OAF: variants seen among roughly 807,000 people sequenced by gnomAD.
OAF encodes the protein out at first homolog.
In OAF, 13 loss-of-function variants were observed where a neutral mutation model predicts 22.5. The ratio of observed to expected loss-of-function variants is 0.58; its 90% CI spans 0.38 to 0.92. The LOEUF (loss-of-function observed/expected upper bound fraction) is 0.92. OAF is among the 40% of genes least tolerant of loss of function. The pLI is 0.00. For synonymous variants in OAF, 175 were observed against 170.5 expected (o/e 1.03, Z -0.21); for missense variants, 347 against 381.8 (o/e 0.91, Z 0.76).
chr11:120,213,989 T>C (rs1938181898), intron 1 of OAF: 1 of 152,206 alleles, frequency 6.6e-6, no homozygotes, highest in Non-Finnish European at 1.5e-5. Context: ...GGAAAACCAC[T>C]TGAGCCCAGG....
rs931951644 is a variant in OAF at position 120,229,956 on chromosome 11, A to G, written c.*814A>G. 6.6e-6 allele frequency: 1 copy of G among 152,588 alleles called. No homozygotes were observed. The highest frequency in any genetic ancestry group is 6.5e-5 in the Admixed American group (1 of 15,304). The allele number at this position is 152,588 out of a possible 1,614,324, so 9.5% of individuals were successfully genotyped here. A position where few individuals can be genotyped will look rare whatever the true frequency, so the allele number is the denominator to read the frequency against. ...TTTTTACTTGACTAATGAGACCCAGAGTTTGGAGAAAACTTTTGGCCAATG... is the reference window on the plus strand; with the variant it reads ...TTTTTACTTGACTAATGAGACCCAGGGTTTGGAGAAAACTTTTGGCCAATG... On this transcript the variant is annotated 3_prime_UTR_variant, in exon 4 of 4. Coordinates refer to ENST00000328965, the MANE Select transcript of OAF (RefSeq NM_178507.4).
At chr11:120,218,619 GA>G (rs1406777541) in intron 1 of OAF, among the ~76,000 whole-genome samples, 1 of 152,246 alleles carries the variant, frequency 6.6e-6, no homozygotes, top group Non-Finnish European at 1.5e-5. Flanking sequence ...ACACTCCCAG[GA>G]GAGAGCGCCA....
At chr11:120,226,322 C>T (rs73586724) in intron 2 of OAF, among the ~76,000 whole-genome samples, 10,148 of 152,334 alleles carry the variant, frequency 0.067, 1,074 homozygotes, top group African/African-American at 0.22. Flanking sequence ...TCAAAGCTGC[C>T]GGCCTGCTCC....
At position 120,225,644 on chromosome 11, in the gene OAF, C is replaced by G. The variant is rs771538250; in HGVS notation, c.232-17C>G. The G allele has an allele frequency of 1.3e-6, 2 of 1,582,206 alleles. No individual in the cohort carries two copies. The highest frequency in any genetic ancestry group is 1.7e-6 in the Non-Finnish European group (2 of 1,165,284). ...CCCACACCCTCCAGCCGTTCCCATC[C>G]TCCTGCCCTTCTTCAGGATGTGAAG... On this transcript the variant is annotated splice_polypyrimidine_tract_variant and intron_variant, in intron 1 of 3. Coordinates refer to ENST00000328965, the MANE Select transcript of OAF (RefSeq NM_178507.4).
intron 1 of OAF, among the ~76,000 whole-genome samples, chr11:120,212,940 C>G (rs11600568): frequency 0.34 from 50,911 of 150,736 alleles, 9,566 homozygotes; most frequent in Non-Finnish European, 0.43. Context: ...AGAATTTTAT[C>G]AAGTGTGTTC....
In OAF at chr11:120,226,797, A is replaced by T; in HGVS notation, c.367-19A>T. 1 of 1,569,186 alleles carries T rather than the reference A, an allele frequency of 6.4e-7. No individual in the cohort carries two copies. Among genetic ancestry groups the T allele is most frequent in the Non-Finnish European group, 8.7e-7 (1 of 1,149,364 alleles). On this transcript the variant is annotated intron_variant, in intron 2 of 3. Transcript: ENST00000328965. The stretch of plus-strand genomic sequence containing the variant: ...AGCATTCTGAAGCCAGGTAGGAGTG[A>T]CTTCTCTCCCACACACAGAAAAATC...
chr11:120,229,860 C>T lies in OAF; in HGVS notation c.*718C>T, dbSNP rs1001260334. 1.6e-4 allele frequency: 25 copies of T among 152,548 alleles called. No individual in the cohort carries two copies. Among genetic ancestry groups the T allele is most frequent in the African/African-American group, 4.3e-4 (18 of 41,424 alleles). The allele number at this position is 152,548 out of a possible 1,614,324, so 9.4% of individuals were successfully genotyped here. On this transcript the variant is annotated 3_prime_UTR_variant, in exon 4 of 4. Transcript: ENST00000328965. ...TGGGGCAGGGAGGGAGCATGAAGTACGAGGAAAACTTGAATTCCAGATTTT... is the reference window on the plus strand; with the variant it reads ...TGGGGCAGGGAGGGAGCATGAAGTATGAGGAAAACTTGAATTCCAGATTTT...
At position 120,230,249 on chromosome 11, in the gene OAF, T is replaced by C. The variant is rs911858778; in HGVS notation, c.*1107T>C. The C allele has an allele frequency of 5.9e-5, 9 of 152,222 alleles. No individual in the cohort carries two copies. Among genetic ancestry groups the C allele is most frequent in the African/African-American group, 1.9e-4 (8 of 41,458 alleles). The allele number at this position is 152,222 out of a possible 1,614,324, so 9.4% of individuals were successfully genotyped here. On this transcript the variant is annotated 3_prime_UTR_variant, in exon 4 of 4. Coordinates refer to ENST00000328965, the MANE Select transcript of OAF (RefSeq NM_178507.4). ...ACCCCGCTTCAGATCTGGGCTCGGC[T>C]ACTTACCTGCTGTGCAGCCATGGGT... is the stretch of plus-strand genomic sequence containing the variant.
chr11:120,222,571 A>C (rs1422685030), intron 1 of OAF, among the ~76,000 whole-genome samples: 2 of 151,060 alleles, frequency 1.3e-5, no homozygotes, highest in Admixed American at 1.3e-4. Flanking sequence ...GAAAAAAAAA[A>C]AAACAACCAT....
rs1430859198 is a variant in OAF, at chr11:120,225,802, G to A, written c.366+7G>A. On this transcript the variant is annotated splice_region_variant and intron_variant, in intron 2 of 3. Transcript: ENST00000328965. Reference sequence around the variant, plus strand: ...CATGGCCAAGCTCCGGCAGGTAAGTGCCCCACCAGGCCTGCCTGGCCCAGG... The same window carrying A: ...CATGGCCAAGCTCCGGCAGGTAAGTACCCCACCAGGCCTGCCTGGCCCAGG... 1 of 1,594,362 alleles carries A rather than the reference G, an allele frequency of 6.3e-7. No homozygotes were observed. The highest frequency in any genetic ancestry group is 2.4e-5 in the East Asian group (1 of 42,264).
chr11:120,221,650 A>G (rs1938280503), intron 1 of OAF, among the ~76,000 whole-genome samples: 1 of 152,222 alleles, frequency 6.6e-6, no homozygotes, highest in Admixed American at 6.5e-5. Flanking sequence ...GAACATGGGT[A>G]ACACTGGCTC....
Position 120,225,641 on chromosome 11 carries a change from ATCC to A in OAF, c.232-15_232-13del, listed in dbSNP as rs755604610. The stretch of plus-strand genomic sequence containing the variant: ...GGTCCCACACCCTCCAGCCGTTCCC[ATCC>A]TCCTGCCCTTCTTCAGGATGTGAAG... On this transcript the variant is annotated splice_polypyrimidine_tract_variant and intron_variant, in intron 1 of 3. Coordinates refer to ENST00000328965, the MANE Select transcript of OAF (RefSeq NM_178507.4). The A allele has an allele frequency of 6.4e-7, 1 of 1,573,660 alleles. No individual in the cohort carries two copies. The highest frequency in any genetic ancestry group is 1.2e-5 in the South Asian group (1 of 86,358).
At chr11:120,228,578 G>C (rs536950809) in intron 3 of OAF, among the ~76,000 whole-genome samples, 2 of 152,298 alleles carry the variant, frequency 1.3e-5, no homozygotes, top group East Asian at 3.9e-4. Flanking sequence ...ACGATACTTA[G>C]CCCATGGGGT....
intron 1 of OAF, among the ~76,000 whole-genome samples, chr11:120,211,988 C>T (rs1206495043): frequency 6.6e-6 from 1 of 152,162 alleles, no homozygotes; most frequent in African/African-American, 2.4e-5. Flanking sequence ...ATTTTGGAGT[C>T]CCTCTGTCAC....
chr11:120,214,723 T>A (rs1360782000), intron 1 of OAF, among the ~76,000 whole-genome samples: 2 of 152,196 alleles, frequency 1.3e-5, no homozygotes, highest in Non-Finnish European at 1.5e-5. Flanking sequence ...TCTCCCACAC[T>A]ACTGCTCTGG....
chr11:120,222,193 A>C (rs1261577871), intron 1 of OAF, among the ~76,000 whole-genome samples: 1 of 152,206 alleles, frequency 6.6e-6, no homozygotes, highest in African/African-American at 2.4e-5. Context: ...CCTGTTACCA[A>C]ATAGACCCAG....
intron 1 of OAF, 25 bp from the exon 2 acceptor site, chr11:120,225,636 T>C (rs1367678053): frequency 6.4e-7 from 1 of 1,569,966 alleles, no homozygotes; most frequent in Non-Finnish European, 8.6e-7. Context: ...CCTCCAGCCG[T>C]TCCCATCCTC....
intron 1 of OAF, among the ~76,000 whole-genome samples, chr11:120,216,560 C>T: frequency 6.6e-6 from 1 of 152,206 alleles, no homozygotes; most frequent in East Asian, 1.9e-4. Flanking sequence ...ATCTGTCCCT[C>T]CTCTGCGTGT....
At chr11:120,227,160 T>C (rs2135098472) in intron 3 of OAF, among the ~76,000 whole-genome samples, 164 bp downstream of exon 3, 1 of 152,312 alleles carries the variant, frequency 6.6e-6, no homozygotes, top group East Asian at 1.9e-4. Flanking sequence ...ACTGAACACC[T>C]ACAGAGATGT....
Sources: gnomAD v4.1 joint callset for allele counts (sites outside exome capture counted in the v4.1 genomes callset) on GRCh38, gnomAD v4.1.1 for gene constraint, MANE v1.5 for transcripts, NCBI Gene and HGNC (gene_info 2026-07-23, HGNC 2026-07-21) for gene names.